The following UBE2L3 variants were observed in gnomAD, a reference collection of about 807,000 sequenced individuals.
The protein encoded by UBE2L3 is ubiquitin conjugating enzyme E2 L3, also known as ubiquitin-conjugating enzyme E2 L3.
A neutral mutation model predicts 17.8 loss-of-function variants in UBE2L3; 1 was observed. The observed-to-expected ratio is 0.06, with a 90% CI of 0.02 to 0.27. The LOEUF is 0.27. Among genes scored for constraint, UBE2L3 ranks in the 10% least tolerant of loss-of-function variants. The probability of loss-of-function intolerance (pLI) is 1.00; values close to 1 mark genes in which losing one functional copy is unlikely to be tolerated. For synonymous variants in UBE2L3, 44 were observed against 68.5 expected (o/e 0.64, Z 1.76); for missense variants, 40 against 192.6 (o/e 0.21, Z 4.69).
upstream of UBE2L3, among the ~76,000 whole-genome samples, chr22:21,566,028 A>G (rs113692045): frequency 6.5e-3 from 929 of 143,934 alleles, 9 homozygotes; most frequent in African/African-American, 0.022. Context: ...GCTGGAGTGC[A>G]GTGGCGCGGA....
At chr22:21,598,927 A>C (rs192493938) in intron 2 of UBE2L3, among the ~76,000 whole-genome samples, 66 of 151,252 alleles carry the variant, frequency 4.4e-4, no homozygotes, top group Non-Finnish European at 4.3e-4. Flanking sequence ...TACAGCCTCT[A>C]CCTCCTGGGT....
intron 2 of UBE2L3, among the ~76,000 whole-genome samples, chr22:21,607,953 G>A (rs1367565789): frequency 1.3e-5 from 2 of 152,078 alleles, no homozygotes; most frequent in Admixed American, 1.3e-4. Flanking sequence ...ATTCTGGTTG[G>A]GTTGTAACTT....
At chr22:21,616,769 T>C (rs1929801316) in intron 3 of UBE2L3, among the ~76,000 whole-genome samples, 1 of 151,196 alleles carries the variant, frequency 6.6e-6, no homozygotes. Context: ...TAAAGCACAT[T>C]CCATGGAAGG....
At chr22:21,578,342 A>T (rs1218639070) in intron 1 of UBE2L3, among the ~76,000 whole-genome samples, 4 of 150,984 alleles carry the variant, frequency 2.6e-5, no homozygotes, top group African/African-American at 9.7e-5. Flanking sequence ...CCTGGGTGAC[A>T]GAGCAAGACT....
chr22:21,568,921 T>C (rs1048304427), intron 1 of UBE2L3, among the ~76,000 whole-genome samples: 3 of 152,152 alleles, frequency 2.0e-5, no homozygotes, highest in African/African-American at 7.2e-5. Context: ...ACATTAACTT[T>C]ATAAAACTGG....
intron 1 of UBE2L3, among the ~76,000 whole-genome samples, chr22:21,589,209 A>C (rs1928121975): frequency 7.0e-6 from 1 of 143,250 alleles, no homozygotes; most frequent in South Asian, 2.2e-4. Flanking sequence ...GCAGTGGCGC[A>C]ATCTTGGCTG....
intron 1 of UBE2L3, among the ~76,000 whole-genome samples, chr22:21,576,112 CTTTT>C (rs35221203): frequency 8.5e-6 from 1 of 117,164 alleles, no homozygotes. Flanking sequence ...TTGAAAGCAA[CTTTT>C]TTTTTTTTTT....
chr22:21,612,638 CTTTTCTTTTTTTTTTTTTTTTTTTTT>C (rs1929551120), intron 3 of UBE2L3, among the ~76,000 whole-genome samples: 1 of 60,498 alleles, frequency 1.7e-5, no homozygotes, highest in South Asian at 7.3e-4. Flanking sequence ...TTTTTCTTTT[CTTTTCTTTTTTTTTTTTTTTTTTTTT>C]TTTTTTTGAG....
chr22:21,574,627 T>A (rs181360), intron 1 of UBE2L3, among the ~76,000 whole-genome samples: 1 of 151,804 alleles, frequency 6.6e-6, no homozygotes. Flanking sequence ...ATTCTGTAGG[T>A]TGGAGAAAGA....
chr22:21,611,295 A>C (rs1929461125), intron 3 of UBE2L3, among the ~76,000 whole-genome samples: 1 of 152,220 alleles, frequency 6.6e-6, no homozygotes, highest in Admixed American at 6.5e-5. Flanking sequence ...ATGGACAGAC[A>C]AGCCCAGTGG....
chr22:21,612,762 G>GC (rs1929564473), intron 3 of UBE2L3, among the ~76,000 whole-genome samples: 1 of 139,290 alleles, frequency 7.2e-6, no homozygotes, highest in Non-Finnish European at 1.5e-5. Context: ...TCCTGCCTCA[G>GC]CCTCCTGAGT....
chr22:21,609,228 T>TA (rs1929346281), intron 2 of UBE2L3, among the ~76,000 whole-genome samples: 1 of 152,188 alleles, frequency 6.6e-6, no homozygotes, highest in South Asian at 2.1e-4. Context: ...ACATATGTCT[T>TA]ACCATTGGAT....
chr22:21,556,873 G>A (rs1324286293), intron 1 of UBE2L3, among the ~76,000 whole-genome samples: 3 of 152,250 alleles, frequency 2.0e-5, no homozygotes, highest in Non-Finnish European at 2.9e-5. Flanking sequence ...GGCCAATATG[G>A]TGAAACCCTG....
chr22:21,589,142 A>ATT (rs768593270), intron 1 of UBE2L3, among the ~76,000 whole-genome samples: 19,656 of 111,554 alleles, frequency 0.18, 2,207 homozygotes, highest in East Asian at 0.42. Flanking sequence ...CATGATTGGA[A>ATT]TTTTTTTTTT....
intron 1 of UBE2L3, among the ~76,000 whole-genome samples, chr22:21,558,441 G>T (rs921430763): frequency 1.3e-5 from 2 of 152,216 alleles, no homozygotes; most frequent in Non-Finnish European, 2.9e-5. Context: ...GACCATCCTG[G>T]CTAACACGGT....
At chr22:21,581,057 T>A (rs907802363) in intron 1 of UBE2L3, among the ~76,000 whole-genome samples, 7 of 145,700 alleles carry the variant, frequency 4.8e-5, no homozygotes, top group African/African-American at 1.5e-4. Flanking sequence ...CCCGGCTAAT[T>A]TTTTTTTTTT....
intron 1 of UBE2L3, among the ~76,000 whole-genome samples, chr22:21,587,259 C>T (rs1162794385): frequency 2.7e-5 from 4 of 150,564 alleles, no homozygotes; most frequent in Non-Finnish European, 5.9e-5. Flanking sequence ...GGCGCGATCT[C>T]GGCTCACTGC....
chr22:21,581,190 A>AG (rs1344462818), intron 1 of UBE2L3, among the ~76,000 whole-genome samples: 3 of 151,970 alleles, frequency 2.0e-5, no homozygotes, highest in Admixed American at 1.3e-4. Context: ...AAGTAGCTGA[A>AG]GACTATAGGT....
At chr22:21,561,865 T>C (rs1926443849) in intron 1 of UBE2L3, among the ~76,000 whole-genome samples, 1 of 139,550 alleles carries the variant, frequency 7.2e-6, no homozygotes, top group Non-Finnish European at 1.6e-5. Context: ...GGTACCCAGC[T>C]TCCTAGCCCA....
Sources: allele counts gnomAD v4.1 joint callset (sites outside exome capture counted in the v4.1 genomes callset), GRCh38; gene constraint gnomAD v4.1.1; transcripts MANE v1.5; gene names NCBI Gene and HGNC (gene_info 2026-07-23, HGNC 2026-07-21).